The following IPO11 variants were observed in gnomAD, a reference collection of about 807,000 sequenced individuals.
IPO11 encodes the protein importin-11.
In IPO11, 66 loss-of-function variants were observed where a neutral mutation model predicts 143.2. That is an observed-to-expected ratio of 0.46 (90% CI 0.38 to 0.57). The LOEUF is 0.57. Ranked by LOEUF, IPO11 falls within the 20% of genes least tolerant of loss-of-function variation. The pLI is 0.00. For synonymous variants in IPO11, 385 were observed against 377.8 expected (o/e 1.02, Z -0.22); for missense variants, 1,026 against 1,141.0 (o/e 0.90, Z 1.45).
intron 29 of IPO11, among the ~76,000 whole-genome samples, chr5:62,626,324 G>C (rs1415367345): frequency 6.6e-6 from 1 of 152,110 alleles, no homozygotes; most frequent in East Asian, 1.9e-4. Context: ...CACCGAGCCT[G>C]GCCCTACATT....
intron 27 of IPO11, among the ~76,000 whole-genome samples, chr5:62,586,745 C>G (rs1198040224): frequency 1.3e-5 from 1 of 75,860 alleles, no homozygotes; most frequent in African/African-American, 6.1e-5. Flanking sequence ...GAGCAAAACT[C>G]AGTCTCCAAA....
At chr5:62,544,571 A>G (rs889482401) in intron 24 of IPO11, among the ~76,000 whole-genome samples, 3 of 152,202 alleles carry the variant, frequency 2.0e-5, no homozygotes, top group African/African-American at 7.2e-5. Context: ...CACCACTCCT[A>G]TTCAACATAG....
chr5:62,620,248 G>A (rs1453392907), intron 29 of IPO11, among the ~76,000 whole-genome samples: 2 of 152,062 alleles, frequency 1.3e-5, no homozygotes, highest in South Asian at 2.1e-4. Context: ...GGCTGGGCGC[G>A]ATGCCTCACG....
chr5:62,598,486 C>T (rs1580370883), intron 28 of IPO11, among the ~76,000 whole-genome samples: 3 of 5,096 alleles, frequency 5.9e-4, no homozygotes, highest in Non-Finnish European at 8.9e-4. Flanking sequence ...CTCTCTCTCT[C>T]TCTCTCTCTT....
At chr5:62,524,027 G>C (rs1023063632) in intron 20 of IPO11, among the ~76,000 whole-genome samples, 2 of 151,984 alleles carry the variant, frequency 1.3e-5, no homozygotes, top group Non-Finnish European at 2.9e-5. Flanking sequence ...AATTATAGTA[G>C]AATATTAATT....
intron 1 of IPO11, among the ~76,000 whole-genome samples, chr5:62,424,877 TTATTA>T (rs1347093201): frequency 1.3e-5 from 2 of 152,172 alleles, no homozygotes; most frequent in African/African-American, 4.8e-5. Context: ...ATTGCCTTTA[TTATTA>T]TATTTTTAAA....
chr5:62,595,071 G>A (rs1745166872), intron 28 of IPO11, among the ~76,000 whole-genome samples: 1 of 152,218 alleles, frequency 6.6e-6, no homozygotes, highest in Non-Finnish European at 1.5e-5. Flanking sequence ...TCTCAGACCA[G>A]TGGAACAACC....
chr5:62,543,106 C>CAGTT (rs2067308), intron 24 of IPO11, among the ~76,000 whole-genome samples: 107,845 of 151,656 alleles, frequency 0.71, 39,027 homozygotes, highest in African/African-American at 0.85. Context: ...CAAGGCCACT[C>CAGTT]AGTAAGCATT....
chr5:62,544,061 C>T (rs1045942601), intron 24 of IPO11, among the ~76,000 whole-genome samples: 12 of 151,946 alleles, frequency 7.9e-5, no homozygotes, highest in Non-Finnish European at 1.8e-4. Flanking sequence ...GAGACAGTCT[C>T]CAATCAATAG....
intron 1 of IPO11, among the ~76,000 whole-genome samples, chr5:62,433,345 T>C (rs1180317914): frequency 6.6e-6 from 1 of 152,196 alleles, no homozygotes; most frequent in East Asian, 1.9e-4. Flanking sequence ...GTAAAGATGC[T>C]GAGTTTTCTT....
intron 16 of IPO11, among the ~76,000 whole-genome samples, chr5:62,499,135 A>G (rs372095169): frequency 9.2e-5 from 14 of 152,296 alleles, no homozygotes; most frequent in African/African-American, 3.4e-4. Flanking sequence ...CATGACGGGT[A>G]TATTCCGAGA....
At chr5:62,586,767 AAATATATATATAT>A (rs1435742580) in intron 27 of IPO11, among the ~76,000 whole-genome samples, 6 of 55,994 alleles carry the variant, frequency 1.1e-4, no homozygotes, top group African/African-American at 3.5e-4. Context: ...AAAAAAAAAA[AAATATATATATAT>A]ATATATATAT....
intron 26 of IPO11, among the ~76,000 whole-genome samples, chr5:62,558,182 A>T: frequency 6.6e-6 from 1 of 152,372 alleles, no homozygotes; most frequent in East Asian, 1.9e-4. Context: ...GACTTTAATA[A>T]GTGTTATAAT....
At chr5:62,517,353 A>G (rs1322784482) in intron 20 of IPO11, among the ~76,000 whole-genome samples, 1 of 152,228 alleles carries the variant, frequency 6.6e-6, no homozygotes, top group Non-Finnish European at 1.5e-5. Context: ...TAATAGAACA[A>G]TGAACGACCC....
chr5:62,525,209 C>T (rs1742327369), intron 20 of IPO11, among the ~76,000 whole-genome samples: 1 of 152,068 alleles, frequency 6.6e-6, no homozygotes, highest in Non-Finnish European at 1.5e-5. Flanking sequence ...TTTCTGTTTG[C>T]TTCCAGAAAC....
chr5:62,518,690 C>T (rs1742106211), intron 20 of IPO11, among the ~76,000 whole-genome samples: 1 of 152,124 alleles, frequency 6.6e-6, no homozygotes, highest in African/African-American at 2.4e-5. Flanking sequence ...TGACACGTAA[C>T]AGACATTGGT....
chr5:62,442,741 G>A (rs1232127965), intron 2 of IPO11, among the ~76,000 whole-genome samples: 1 of 152,076 alleles, frequency 6.6e-6, no homozygotes, highest in East Asian at 1.9e-4. Flanking sequence ...GCAGGCACCT[G>A]TAACCCCAGC....
chr5:62,435,138 A>G (rs1438816687), intron 1 of IPO11, among the ~76,000 whole-genome samples: 1 of 63,224 alleles, frequency 1.6e-5, no homozygotes, highest in East Asian at 4.7e-4. Context: ...ATATATATGT[A>G]TATATGTATA....
chr5:62,432,526 TG>T (rs1477478719), intron 1 of IPO11, among the ~76,000 whole-genome samples: 1 of 152,222 alleles, frequency 6.6e-6, no homozygotes, highest in Non-Finnish European at 1.5e-5. Flanking sequence ...GGGGTAGGGC[TG>T]GGTTTGTGGC....
Sources: gnomAD v4.1 joint callset for allele counts (sites outside exome capture counted in the v4.1 genomes callset) on GRCh38, gnomAD v4.1.1 for gene constraint, MANE v1.5 for transcripts, NCBI Gene and HGNC (gene_info 2026-07-23, HGNC 2026-07-21) for gene names.